Variants in PDE8B observed in about 807,000 individuals in gnomAD.
PDE8B encodes high affinity cAMP-specific and IBMX-insensitive 3',5'-cyclic phosphodiesterase 8B.
PDE8B carries 26 observed loss-of-function variants against 101.3 expected under a neutral mutation model. The ratio of observed to expected loss-of-function variants is 0.26; its 90% CI spans 0.19 to 0.36. The LOEUF (loss-of-function observed/expected upper bound fraction) is 0.36, where lower values mean the gene tolerates loss of function less well. Ranked by LOEUF, PDE8B falls within the 10% of genes least tolerant of loss-of-function variation. The pLI is 1.00. For synonymous variants in PDE8B, 424 were observed against 429.3 expected, an observed-to-expected ratio of 0.99 and a Z score of 0.15; for missense variants, 810 against 1,163.1, an observed-to-expected ratio of 0.70 and a Z score of 4.42.
the PDE8B span, chr5:77,087,038 G>A: frequency 6.6e-6 from 1 of 152,284 alleles, no homozygotes. Flanking sequence ...GGCGTCCGCG[G>A]TCGCTGCTCA....
chr5:77,359,681 A>T (rs1271521451), intron 10 of PDE8B, among the ~76,000 whole-genome samples: 1 of 152,194 alleles, frequency 6.6e-6, no homozygotes, highest in East Asian at 1.9e-4. Flanking sequence ...GTGTGAGACC[A>T]GTAATGCCTG....
chr5:77,369,856 GAC>G (rs35174935), intron 10 of PDE8B, among the ~76,000 whole-genome samples: 10,528 of 152,196 alleles, frequency 0.069, 557 homozygotes, highest in African/African-American at 0.14. Flanking sequence ...TTGTGAAAAA[GAC>G]ACCCAGAGCT....
intron 5 of PDE8B, among the ~76,000 whole-genome samples, chr5:77,336,623 CA>C (rs11342716): frequency 0.27 from 40,884 of 152,106 alleles, 6,523 homozygotes; most frequent in African/African-American, 0.44. Context: ...TTTATCTGTT[CA>C]AATGTTGGAC....
chr5:77,398,140 A>G lies in PDE8B; in HGVS notation c.1168-2108A>G, dbSNP rs529284862. Among the ~76,000 whole-genome samples, 15 of 152,206 alleles carry G rather than the reference A, an allele frequency of 9.9e-5. 1 individual carries two copies. The highest frequency in any genetic ancestry group is 3.4e-4 in the African/African-American group (14 of 41,540). On this transcript the variant is annotated intron_variant, in intron 10 of 21. Transcript: ENST00000264917. ...GTGGCAAGAAGTAGTAGGAACAGAC[A>G]GAAGTAAATGGAGAAACAGAATTTG...
intron 11 of PDE8B, among the ~76,000 whole-genome samples, chr5:77,400,649 A>G (rs1792072228): frequency 1.3e-5 from 2 of 152,338 alleles, no homozygotes; most frequent in South Asian, 4.1e-4. Context: ...AACCGTGTCC[A>G]GTCTCCCTTT....
intron 1 of PDE8B, among the ~76,000 whole-genome samples, chr5:77,285,165 C>T (rs1036317431): frequency 2.0e-5 from 3 of 152,082 alleles, no homozygotes; most frequent in African/African-American, 4.8e-5. Flanking sequence ...TTTCCTACCC[C>T]GAAGTCATGA....
At chr5:77,201,849 CAG>C in the PDE8B span, among the ~76,000 whole-genome samples, 1 of 152,162 alleles carries the variant, frequency 6.6e-6, no homozygotes, top group Admixed American at 6.5e-5. Context: ...ACTTAAACAA[CAG>C]AAACTTATTT....
chr5:77,355,597 C>A (rs1434726386), intron 10 of PDE8B, among the ~76,000 whole-genome samples: 1 of 152,166 alleles, frequency 6.6e-6, no homozygotes, highest in African/African-American at 2.4e-5. Flanking sequence ...CCTGTATGAG[C>A]CCTGTAGCTT....
At chr5:77,165,690 G>C in the PDE8B span, among the ~76,000 whole-genome samples, 1 of 152,168 alleles carries the variant, frequency 6.6e-6, no homozygotes, top group East Asian at 1.9e-4. Context: ...TTATAGGAAG[G>C]GAGAGTTTTG....
At chr5:77,334,655 G>A (rs1273726607) in intron 5 of PDE8B, among the ~76,000 whole-genome samples, 2 of 152,048 alleles carry the variant, frequency 1.3e-5, no homozygotes, top group Non-Finnish European at 2.9e-5. Flanking sequence ...TACATATGAG[G>A]GATTTGATAT....
At chr5:77,094,967 G>A in the PDE8B span, among the ~76,000 whole-genome samples, 3,060 of 152,186 alleles carry the variant, frequency 0.02, 114 homozygotes, top group African/African-American at 0.069. Flanking sequence ...AAACTTCAGC[G>A]TGAGACTTGG....
intron 4 of PDE8B, 126 bp from the exon 5 acceptor site, chr5:77,331,276 A>G (rs1036186665): frequency 1.2e-5 from 10 of 824,022 alleles, no homozygotes; most frequent in Non-Finnish European, 2.1e-5. Flanking sequence ...CCCCGTGGGC[A>G]CGTGCTCGTC....
At chr5:77,422,132 T>TG (rs1236592682) in intron 20 of PDE8B, 144 bp downstream of exon 20, 24 of 861,950 alleles carry the variant, frequency 2.8e-5, no homozygotes, top group African/African-American at 1.5e-4. Flanking sequence ...TACCCCCACC[T>TG]GGGGTAGGCT....
chr5:77,196,730 C>T, the PDE8B span, among the ~76,000 whole-genome samples: 44 of 152,168 alleles, frequency 2.9e-4, no homozygotes, highest in Middle Eastern at 3.4e-3. Context: ...GGGCTTCCTA[C>T]GCTCAATTTT....
intron 1 of PDE8B, among the ~76,000 whole-genome samples, chr5:77,257,725 T>C (rs577435531): frequency 6.6e-6 from 1 of 152,278 alleles, no homozygotes; most frequent in East Asian, 1.9e-4. Flanking sequence ...GTTACATATG[T>C]AAACATGTGC....
intron 1 of PDE8B, among the ~76,000 whole-genome samples, chr5:77,277,828 C>T (rs1561458197): frequency 6.6e-6 from 1 of 152,174 alleles, no homozygotes; most frequent in Non-Finnish European, 1.5e-5. Context: ...GAAACTTACT[C>T]CATTAACCGC....
At chr5:77,412,347 C>T (rs1473054417) in intron 16 of PDE8B, 112 bp downstream of exon 16, 1 of 1,060,566 alleles carries the variant, frequency 9.4e-7, no homozygotes, top group South Asian at 1.3e-5. Context: ...CTCACGGGTT[C>T]TGGCTCTCAT....
the PDE8B span, chr5:77,141,839 G>A: frequency 1.8e-4 from 27 of 152,142 alleles, no homozygotes; most frequent in African/African-American, 6.3e-4. Flanking sequence ...TAAATAAAAT[G>A]TAACATATTC....
chr5:77,340,574 C>T (rs1779037522), intron 6 of PDE8B, among the ~76,000 whole-genome samples: 1 of 150,870 alleles, frequency 6.6e-6, no homozygotes, highest in Non-Finnish European at 1.5e-5. Flanking sequence ...CTTGCCCAGT[C>T]CTACCCTTGT....
Sources: gnomAD v4.1 joint callset for allele counts (sites outside exome capture counted in the v4.1 genomes callset) on GRCh38, gnomAD v4.1.1 for gene constraint, MANE v1.5 for transcripts, NCBI Gene and HGNC (gene_info 2026-07-23, HGNC 2026-07-21) for gene names.